Variants in PRKD1 observed in about 807,000 individuals in gnomAD.
The protein encoded by PRKD1 is protein kinase D1.
A neutral mutation model predicts 95.9 loss-of-function variants in PRKD1; 63 were observed. That is an observed-to-expected ratio of 0.66 (90% confidence interval 0.54 to 0.81). The LOEUF is 0.81. PRKD1 is among the 30% of genes least tolerant of loss of function. The pLI, the probability that PRKD1 is intolerant of heterozygous loss-of-function variation, is 0.00. For missense variants in PRKD1, 1,048 were observed against 1,165.3 expected, an observed-to-expected ratio of 0.90 and a Z score of 1.47; for synonymous variants, 425 against 423.1, an observed-to-expected ratio of 1.00 and a Z score of -0.05.
intron 1 of PRKD1, among the ~76,000 whole-genome samples, chr14:29,763,965 A>G (rs1376402315): frequency 6.6e-6 from 1 of 152,178 alleles, no homozygotes; most frequent in African/African-American, 2.4e-5. Context: ...AATTTGCTCT[A>G]AATTTGTAAA....
At chr14:29,881,338 G>A (rs970064867) in intron 1 of PRKD1, among the ~76,000 whole-genome samples, 9 of 151,998 alleles carry the variant, frequency 5.9e-5, no homozygotes, top group Non-Finnish European at 8.8e-5. Context: ...TCTTGCTGCC[G>A]CCATGTAAGA....
At chr14:29,608,767 G>A (rs1216188053) in intron 13 of PRKD1, among the ~76,000 whole-genome samples, 1 of 152,150 alleles carries the variant, frequency 6.6e-6, no homozygotes, top group East Asian at 1.9e-4. Context: ...CTGCTCTAAA[G>A]TGAGAACAGA....
chr14:29,653,316 C>T (rs1363116291), intron 4 of PRKD1, among the ~76,000 whole-genome samples: 1 of 151,912 alleles, frequency 6.6e-6, no homozygotes, highest in African/African-American at 2.4e-5. Context: ...TAAGAATAAC[C>T]AAAAAGATTA....
At chr14:29,766,618 A>G (rs1888271200) in intron 1 of PRKD1, among the ~76,000 whole-genome samples, 4 of 152,192 alleles carry the variant, frequency 2.6e-5, no homozygotes, top group Admixed American at 1.3e-4. Flanking sequence ...TAATTTATGT[A>G]TGTATACTCC....
At chr14:29,757,857 G>A (rs1887783855) in intron 1 of PRKD1, among the ~76,000 whole-genome samples, 1 of 151,952 alleles carries the variant, frequency 6.6e-6, no homozygotes, top group Non-Finnish European at 1.5e-5. Context: ...AGGGATAAAG[G>A]GAATGGCAGC....
At chr14:29,852,912 T>C (rs1448764232) in intron 1 of PRKD1, among the ~76,000 whole-genome samples, 1 of 152,080 alleles carries the variant, frequency 6.6e-6, no homozygotes, top group Non-Finnish European at 1.5e-5. Context: ...TGTAAGTAGA[T>C]CAAACTCTCC....
chr14:29,590,057 A>G (rs999270177), intron 16 of PRKD1, among the ~76,000 whole-genome samples: 2 of 152,202 alleles, frequency 1.3e-5, no homozygotes, highest in African/African-American at 2.4e-5. Context: ...AAGTATATAA[A>G]GTGAGACTAA....
intron 7 of PRKD1, among the ~76,000 whole-genome samples, chr14:29,635,198 A>G (rs1880288294): frequency 6.6e-6 from 1 of 152,132 alleles, no homozygotes; most frequent in Non-Finnish European, 1.5e-5. Context: ...TTTATTTCCT[A>G]TTATAGGTAC....
rs146989412 is a variant in PRKD1, at chr14:29,788,872, T to C, written c.265-63198A>G. 6.5e-3 allele frequency among the ~76,000 whole-genome samples: 992 copies of C among 152,034 alleles called. 8 individuals are homozygous for C. Among genetic ancestry groups the C allele is most frequent in the South Asian group, 0.012 (59 of 4,812 alleles). On this transcript the variant is annotated intron_variant, in intron 1 of 17. Transcript: ENST00000331968. ...ATTCCTATATCTCACTGAGTTTCTT[T>C]GTTTTCTTTTATTTATTTATTTATT... is the stretch of plus-strand genomic sequence containing the variant.
At chr14:29,651,353 T>A (rs954114620) in intron 4 of PRKD1, among the ~76,000 whole-genome samples, 1 of 152,234 alleles carries the variant, frequency 6.6e-6, no homozygotes, top group African/African-American at 2.4e-5. Context: ...GAGGCATATT[T>A]GTTCATAACT....
At chr14:29,746,903 A>G (rs1490043183) in intron 1 of PRKD1, among the ~76,000 whole-genome samples, 1 of 152,170 alleles carries the variant, frequency 6.6e-6, no homozygotes, top group Non-Finnish European at 1.5e-5. Flanking sequence ...ATATTAATAT[A>G]TTTTATTAAT....
At chr14:29,641,877 A>G (rs1209088274) in intron 4 of PRKD1, among the ~76,000 whole-genome samples, 1 of 149,728 alleles carries the variant, frequency 6.7e-6, no homozygotes, top group Non-Finnish European at 1.5e-5. Context: ...TAATCCTGCC[A>G]TCATCCCTTT....
intron 1 of PRKD1, among the ~76,000 whole-genome samples, chr14:29,826,657 G>A (rs1229800877): frequency 3.0e-5 from 1 of 33,788 alleles, no homozygotes; most frequent in African/African-American, 1.6e-4. Flanking sequence ...ATATATGTGT[G>A]TGTGTGTATA....
chr14:29,659,332 T>G (rs1163305930), intron 4 of PRKD1, among the ~76,000 whole-genome samples: 1 of 152,214 alleles, frequency 6.6e-6, no homozygotes, highest in East Asian at 1.9e-4. Flanking sequence ...AATAGTTAAT[T>G]AATTCCATGG....
intron 4 of PRKD1, among the ~76,000 whole-genome samples, chr14:29,663,274 C>G (rs990580828): frequency 1.3e-5 from 2 of 151,154 alleles, no homozygotes; most frequent in African/African-American, 4.9e-5. Flanking sequence ...GTATGCCAAG[C>G]AATAAAGACT....
At chr14:29,756,731 A>G (rs957831412) in intron 1 of PRKD1, among the ~76,000 whole-genome samples, 2 of 152,216 alleles carry the variant, frequency 1.3e-5, no homozygotes, top group Non-Finnish European at 2.9e-5. Flanking sequence ...TCAAGGTCCT[A>G]CAGACAGAGC....
At chr14:29,747,443 C>CCTAG (rs1263782387) in intron 1 of PRKD1, among the ~76,000 whole-genome samples, 9 of 152,024 alleles carry the variant, frequency 5.9e-5, no homozygotes, top group African/African-American at 2.2e-4. Flanking sequence ...CAACTCCACT[C>CCTAG]CTAGGTATAT....
intron 1 of PRKD1, among the ~76,000 whole-genome samples, chr14:29,785,013 CT>C (rs1292077865): frequency 1.8e-4 from 27 of 152,178 alleles, no homozygotes; most frequent in African/African-American, 6.0e-4. Flanking sequence ...ATTCCATCTC[CT>C]TTTACTGCTA....
At chr14:29,700,749 A>G (rs974437716) in intron 2 of PRKD1, among the ~76,000 whole-genome samples, 6 of 152,182 alleles carry the variant, frequency 3.9e-5, no homozygotes, top group Non-Finnish European at 7.3e-5. Context: ...TCGTCCAATC[A>G]GTTGAAGGCA....
Sources: gnomAD v4.1 joint callset for allele counts (sites outside exome capture counted in the v4.1 genomes callset) on GRCh38, gnomAD v4.1.1 for gene constraint, MANE v1.5 for transcripts, NCBI Gene and HGNC (gene_info 2026-07-23, HGNC 2026-07-21) for gene names.